Variants in RAPGEF4 observed in about 807,000 individuals in gnomAD.
The protein encoded by RAPGEF4 is RAP guanine-nucleotide-exchange factor (GEF) 4.
RAPGEF4 carries 66 observed loss-of-function variants against 147.9 expected under a neutral mutation model. The ratio of observed to expected loss-of-function variants is 0.45; its 90% CI spans 0.37 to 0.55. The LOEUF is 0.55. Ranked by LOEUF, RAPGEF4 falls within the 20% of genes least tolerant of loss-of-function variation. The pLI is 0.00. For synonymous variants in RAPGEF4, 419 were observed against 442.7 expected (o/e 0.95, Z 0.67); for missense variants, 1,071 against 1,257.3 (o/e 0.85, Z 2.24).
Position 172,885,225 on chromosome 2 carries a change from G to A in RAPGEF4, c.445-32577G>A, listed in dbSNP as rs139273395. ...GTGTGTTCCACACAGTTCCCCAGTGGGTCCCCAGCAGGACAGAGCCCCAGT... is the reference window on the plus strand; with the variant it reads ...GTGTGTTCCACACAGTTCCCCAGTGAGTCCCCAGCAGGACAGAGCCCCAGT... On this transcript the variant is annotated intron_variant, in intron 4 of 30. Transcript: ENST00000397081. Among the ~76,000 whole-genome samples, 1,053 of 152,318 alleles carry A rather than the reference G, an allele frequency of 6.9e-3. 6 individuals carry two copies. Among genetic ancestry groups the A allele is most frequent in the Non-Finnish European group, 9.9e-3 (672 of 68,034 alleles).
intron 29 of RAPGEF4, among the ~76,000 whole-genome samples, chr2:173,037,173 A>C (rs1249371391): frequency 6.6e-6 from 1 of 152,246 alleles, no homozygotes; most frequent in Admixed American, 6.5e-5. Flanking sequence ...AAGGAACATG[A>C]AAACCTTTAT....
At chr2:172,853,789 C>T (rs1044602656) in intron 4 of RAPGEF4, among the ~76,000 whole-genome samples, 1 of 151,722 alleles carries the variant, frequency 6.6e-6, no homozygotes, top group African/African-American at 2.4e-5. Context: ...CTTCTTTGGC[C>T]CATGGGTTCT....
chr2:172,765,449 T>C (rs1443047533), intron 1 of RAPGEF4, among the ~76,000 whole-genome samples: 1 of 152,186 alleles, frequency 6.6e-6, no homozygotes, highest in Non-Finnish European at 1.5e-5. Flanking sequence ...TAATATTCCA[T>C]GAACCCAACT....
intron 6 of RAPGEF4, among the ~76,000 whole-genome samples, chr2:172,942,770 A>C (rs1687297577): frequency 6.6e-6 from 1 of 152,150 alleles, no homozygotes. Flanking sequence ...ACGTATTTTT[A>C]TTTAACCTAA....
chr2:172,926,547 TTG>T (rs1462825621), intron 6 of RAPGEF4, among the ~76,000 whole-genome samples: 1 of 152,128 alleles, frequency 6.6e-6, no homozygotes, highest in African/African-American at 2.4e-5. Flanking sequence ...TCCTCATTTT[TTG>T]TGAGTTTTTT....
chr2:172,965,476 G>T (rs934478991), intron 8 of RAPGEF4, 86 bp from the exon 9 acceptor site: 2 of 1,444,368 alleles, frequency 1.4e-6, no homozygotes, highest in Admixed American at 1.7e-5. Context: ...TAAGCCCTTT[G>T]GTAGGTTTTC....
chr2:173,003,798 C>T (rs547982460), intron 17 of RAPGEF4, among the ~76,000 whole-genome samples: 1 of 152,098 alleles, frequency 6.6e-6, no homozygotes, highest in South Asian at 2.1e-4. Context: ...CATTTCAAGA[C>T]ACTATATTGC....
intron 17 of RAPGEF4, among the ~76,000 whole-genome samples, chr2:173,007,828 A>G (rs1380958005): frequency 2.0e-5 from 3 of 152,212 alleles, no homozygotes; most frequent in Non-Finnish European, 4.4e-5. Context: ...AGCCCAGATT[A>G]TAGTAAAAAA....
intron 4 of RAPGEF4, among the ~76,000 whole-genome samples, chr2:172,841,809 C>G (rs1559070359): frequency 7.3e-6 from 1 of 137,246 alleles, no homozygotes; most frequent in African/African-American, 2.8e-5. Context: ...CACACACACA[C>G]ACACACACTA....
In RAPGEF4 at chr2:172,952,626, G is replaced by C. The variant is rs115369352; in HGVS notation, c.538-8134G>C. Among the ~76,000 whole-genome samples the C allele has an allele frequency of 9.8e-3, 1,498 of 152,276 alleles. 23 individuals carry two copies. Among genetic ancestry groups the C allele is most frequent in the African/African-American group, 0.033 (1,389 of 41,550 alleles). On this transcript the variant is annotated intron_variant, in intron 6 of 30. Coordinates refer to ENST00000397081, the MANE Select transcript of RAPGEF4 (RefSeq NM_007023.4). ...AATCTAGGCTCGATCAAGCCAATTT[G>C]TAAGGAAAAAATGAACTACTTTGTA...
chr2:172,951,250 A>G (rs73030899), intron 6 of RAPGEF4, among the ~76,000 whole-genome samples: 117 of 152,350 alleles, frequency 7.7e-4, no homozygotes, highest in African/African-American at 2.7e-3. Flanking sequence ...CAGTGGAAAC[A>G]CCCAATCAGT....
chr2:172,966,189 A>G (rs1372705243), intron 9 of RAPGEF4, among the ~76,000 whole-genome samples: 3 of 152,248 alleles, frequency 2.0e-5, no homozygotes, highest in Non-Finnish European at 4.4e-5. Flanking sequence ...GGCTCTTGAT[A>G]ACTGCAGGGG....
chr2:173,045,224 C>A (rs542991295), intron 29 of RAPGEF4, among the ~76,000 whole-genome samples: 1 of 152,330 alleles, frequency 6.6e-6, no homozygotes, highest in East Asian at 1.9e-4. Context: ...GTGCACAGAG[C>A]AGAAAGCTGC....
chr2:172,808,864 A>C (rs1687748209), intron 3 of RAPGEF4, among the ~76,000 whole-genome samples: 1 of 152,128 alleles, frequency 6.6e-6, no homozygotes, highest in Non-Finnish European at 1.5e-5. Flanking sequence ...CTGAGCATTG[A>C]GTGTTCTGAC....
chr2:172,752,087 T>A (rs6433378), intron 1 of RAPGEF4, among the ~76,000 whole-genome samples: 141,115 of 151,968 alleles, frequency 0.93, 66,443 homozygotes, highest in East Asian at 1. Flanking sequence ...ATTTAAATGG[T>A]GTTGTAAAGA....
intron 10 of RAPGEF4, among the ~76,000 whole-genome samples, chr2:172,972,423 C>G (rs549938589): frequency 6.6e-6 from 1 of 152,110 alleles, no homozygotes; most frequent in Non-Finnish European, 1.5e-5. Context: ...TCCACAGTTA[C>G]GAAGTTCATC....
chr2:172,940,364 G>A (rs1159191195), intron 6 of RAPGEF4, among the ~76,000 whole-genome samples: 1 of 152,130 alleles, frequency 6.6e-6, no homozygotes, highest in East Asian at 1.9e-4. Flanking sequence ...AATGCTGGAG[G>A]TGAGGTCTGG....
intron 5 of RAPGEF4, among the ~76,000 whole-genome samples, chr2:172,919,540 C>A (rs1468252351): frequency 1.3e-5 from 2 of 151,982 alleles, no homozygotes; most frequent in African/African-American, 2.4e-5. Flanking sequence ...TCTTCCCCCG[C>A]TTATGGAAGA....
intron 4 of RAPGEF4, among the ~76,000 whole-genome samples, chr2:172,845,384 A>G (rs1322633492): frequency 6.6e-6 from 1 of 152,206 alleles, no homozygotes; most frequent in African/African-American, 2.4e-5. Context: ...GTTGTTTTGA[A>G]TGATGCCAGC....
Sources: allele counts gnomAD v4.1 joint callset (sites outside exome capture counted in the v4.1 genomes callset), GRCh38; gene constraint gnomAD v4.1.1; transcripts MANE v1.5; gene names NCBI Gene and HGNC (gene_info 2026-07-23, HGNC 2026-07-21).